RBFOX3: variants seen among roughly 807,000 people sequenced by gnomAD.
RBFOX3 encodes RNA binding fox-1 homolog 3.
In RBFOX3, 17 loss-of-function variants were observed where a neutral mutation model predicts 48.7. That is an observed-to-expected ratio of 0.35 (90% CI 0.24 to 0.52). The LOEUF (loss-of-function observed/expected upper bound fraction) is 0.52, where lower values mean the gene tolerates loss of function less well. Among genes scored for constraint, RBFOX3 ranks in the 20% least tolerant of loss-of-function variants. The pLI is 0.94. For synonymous variants in RBFOX3, 212 were observed against 209.5 expected (o/e 1.01, Z -0.10); for missense variants, 382 against 497.5 (o/e 0.77, Z 2.21).
At chr17:79,137,295 G>A (rs1413010113) in intron 4 of RBFOX3, among the ~76,000 whole-genome samples, 1 of 151,896 alleles carries the variant, frequency 6.6e-6, no homozygotes, top group Admixed American at 6.6e-5. Flanking sequence ...TGCAGTCCCT[G>A]TACACGTGTA....
Position 79,460,914 on chromosome 17 carries a change from C to T in RBFOX3, c.-175+21540G>A, listed in dbSNP as rs539869588. ...CCCAGTCTGTAGTATTCTATTACAGCAACACAGAATGGACTAAAACAGTGT... is the reference window on the plus strand; with the variant it reads ...CCCAGTCTGTAGTATTCTATTACAGTAACACAGAATGGACTAAAACAGTGT... On this transcript the variant is annotated intron_variant, in intron 2 of 14. Transcript: ENST00000693108. 2.0e-5 allele frequency among the ~76,000 whole-genome samples: 3 copies of T among 152,314 alleles called. No individual in the cohort carries two copies. In the East Asian group the frequency reaches 5.8e-4, roughly 29 times the overall value.
At chr17:79,439,682 G>C (rs1555733522) in intron 2 of RBFOX3, among the ~76,000 whole-genome samples, 1 of 152,232 alleles carries the variant, frequency 6.6e-6, no homozygotes, top group Non-Finnish European at 1.5e-5. Flanking sequence ...GATCGCATGT[G>C]CACACGTGCC....
intron 4 of RBFOX3, chr17:79,135,919 C>T (rs1052945591): frequency 5.3e-5 from 8 of 152,276 alleles, no homozygotes; most frequent in Non-Finnish European, 7.3e-5. Context: ...CACAGCTCCT[C>T]GGCCACTTAT....
intron 2 of RBFOX3, among the ~76,000 whole-genome samples, chr17:79,385,371 A>G (rs1382323313): frequency 1.3e-5 from 2 of 152,178 alleles, no homozygotes; most frequent in African/African-American, 2.4e-5. Flanking sequence ...CTGAAGGAAG[A>G]GCTTCAACTT....
intron 2 of RBFOX3, among the ~76,000 whole-genome samples, chr17:79,436,919 C>T (rs188781386): frequency 2.0e-5 from 3 of 152,222 alleles, no homozygotes; most frequent in Admixed American, 1.3e-4. Flanking sequence ...TTGACCTCTC[C>T]GGGGAGCTGG....
At chr17:79,414,862 A>AC (rs2065058376) in intron 2 of RBFOX3, among the ~76,000 whole-genome samples, 1 of 152,020 alleles carries the variant, frequency 6.6e-6, no homozygotes, top group South Asian at 2.1e-4. Context: ...CCATGCAGCA[A>AC]CCCCCTGGCA....
intron 3 of RBFOX3, among the ~76,000 whole-genome samples, chr17:79,239,445 T>C (rs2062047775): frequency 6.6e-6 from 1 of 152,230 alleles, no homozygotes; most frequent in South Asian, 2.1e-4. Flanking sequence ...ATCAGCACAG[T>C]GGTGCCGACT....
intron 10 of RBFOX3, 78 bp from the exon 11 acceptor site, chr17:79,097,502 C>T: frequency 7.0e-7 from 1 of 1,435,960 alleles, no homozygotes; most frequent in Non-Finnish European, 9.2e-7. Flanking sequence ...TACACCTAGC[C>T]CCCCCGCGCA....
chr17:79,245,457 A>C lies in RBFOX3; in HGVS notation c.-73-9652T>G, dbSNP rs77009044. ...TTTGTGGTAAAATGCCCATAATATA[A>C]AGTGTACCATTTTAACCATCTTTAG... is the stretch of plus-strand genomic sequence containing the variant. On this transcript the variant is annotated intron_variant, in intron 3 of 14. Transcript: ENST00000693108. Among the ~76,000 whole-genome samples, 939 of 151,506 alleles carry C rather than the reference A, an allele frequency of 6.2e-3. 10 individuals carry two copies. Among genetic ancestry groups the C allele is most frequent in the African/African-American group, 0.022 (907 of 40,876 alleles).
At chr17:79,403,724 C>T (rs926278495) in intron 2 of RBFOX3, among the ~76,000 whole-genome samples, 2 of 152,094 alleles carry the variant, frequency 1.3e-5, no homozygotes, top group African/African-American at 4.8e-5. Flanking sequence ...TCAGGGCAAA[C>T]CTGCCCAGGC....
intron 1 of RBFOX3, among the ~76,000 whole-genome samples, chr17:79,606,972 G>C (rs937411480): frequency 2.0e-5 from 3 of 152,198 alleles, no homozygotes; most frequent in African/African-American, 7.2e-5. Flanking sequence ...ATGGCTCAGG[G>C]AGCAACCTTC....
intron 1 of RBFOX3, among the ~76,000 whole-genome samples, chr17:79,555,706 G>GTGA (rs2091681366): frequency 3.8e-4 from 6 of 15,958 alleles, no homozygotes; most frequent in East Asian, 1.8e-3. Flanking sequence ...GGTGATAGTG[G>GTGA]TGGCAATGGT....
the RBFOX3 span, among the ~76,000 whole-genome samples, chr17:79,652,506 G>A: frequency 6.9e-5 from 10 of 145,830 alleles, 1 homozygote; most frequent in African/African-American, 2.6e-4. Context: ...AGAAAGGAAA[G>A]GAAAAGGAAA....
chr17:79,325,818 A>C (rs952797474), intron 2 of RBFOX3, among the ~76,000 whole-genome samples: 1 of 151,984 alleles, frequency 6.6e-6, no homozygotes, highest in Admixed American at 6.5e-5. Flanking sequence ...CTCACACTCC[A>C]TTACAGGGCG....
At chr17:79,119,496 T>G (rs12940831) in intron 4 of RBFOX3, among the ~76,000 whole-genome samples, 83,706 of 151,854 alleles carry the variant, frequency 0.55, 23,236 homozygotes, top group East Asian at 0.62. Flanking sequence ...CCACATGGAA[T>G]TGTAGCCCTG....
chr17:79,484,887 G>A (rs1448763257), intron 1 of RBFOX3, among the ~76,000 whole-genome samples: 3 of 152,220 alleles, frequency 2.0e-5, no homozygotes, highest in Middle Eastern at 3.2e-3. Flanking sequence ...AATGACCGGA[G>A]AAGCAGAAGT....
At chr17:79,450,541 AT>A (rs11387223) in intron 2 of RBFOX3, among the ~76,000 whole-genome samples, 50 of 150,534 alleles carry the variant, frequency 3.3e-4, no homozygotes, top group East Asian at 3.1e-3. Context: ...TGGACTTCTG[AT>A]TTTTTTTTTT....
chr17:79,621,214 G>T, the RBFOX3 span, among the ~76,000 whole-genome samples: 4 of 151,920 alleles, frequency 2.6e-5, no homozygotes, highest in Non-Finnish European at 5.9e-5. Flanking sequence ...GGCCAGGCGG[G>T]TCTCGAACTC....
chr17:79,183,172 G>C (rs1200849893), intron 4 of RBFOX3: 4 of 148,018 alleles, frequency 2.7e-5, no homozygotes, highest in Non-Finnish European at 4.5e-5. Flanking sequence ...TGGCGGCGGC[G>C]GCGCAGAGGC....
Sources: allele counts gnomAD v4.1 joint callset (sites outside exome capture counted in the v4.1 genomes callset), GRCh38; gene constraint gnomAD v4.1.1; transcripts MANE v1.5; gene names NCBI Gene and HGNC (gene_info 2026-07-23, HGNC 2026-07-21).